Variants in MACROD2 observed in about 807,000 individuals in gnomAD.
MACROD2 encodes the protein mono-ADP ribosylhydrolase 2.
MACROD2 carries 36 observed loss-of-function variants against 70.4 expected under a neutral mutation model. The observed-to-expected ratio is 0.51, with a 90% CI of 0.39 to 0.68. The LOEUF (loss-of-function observed/expected upper bound fraction) is 0.68. Ranked by LOEUF, MACROD2 falls within the 30% of genes least tolerant of loss-of-function variation. The pLI is 0.00. For missense variants in MACROD2, 496 were observed against 538.4 expected (o/e 0.92, Z 0.78); for synonymous variants, 172 against 178.8 (o/e 0.96, Z 0.30).
intron 8 of MACROD2, chr20:15,552,602 T>G (rs1223801098): frequency 1.3e-5 from 2 of 152,284 alleles, no homozygotes; most frequent in Non-Finnish European, 2.9e-5. Context: ...ACAGCTTCCA[T>G]GTCAAAAACC....
intron 3 of MACROD2, among the ~76,000 whole-genome samples, chr20:14,141,256 C>T (rs575079486): frequency 1.6e-4 from 25 of 152,268 alleles, no homozygotes; most frequent in Non-Finnish European, 2.9e-4. Flanking sequence ...CTTCAGTTTC[C>T]TCATCCATAA....
intron 4 of MACROD2, among the ~76,000 whole-genome samples, chr20:14,654,916 G>A (rs1374348886): frequency 6.6e-6 from 1 of 152,052 alleles, no homozygotes; most frequent in East Asian, 1.9e-4. Context: ...AACATCTTAG[G>A]CAAAATGGAA....
chr20:16,045,951 G>A (rs143522583), intron 17 of MACROD2, among the ~76,000 whole-genome samples: 47 of 151,468 alleles, frequency 3.1e-4, no homozygotes, highest in African/African-American at 1.1e-3. Context: ...TATGCTTGAT[G>A]TTATAACTGT....
At chr20:15,824,926 C>T (rs2063980451) in intron 8 of MACROD2, among the ~76,000 whole-genome samples, 1 of 151,990 alleles carries the variant, frequency 6.6e-6, no homozygotes, top group South Asian at 2.1e-4. Flanking sequence ...GAGTTGATGC[C>T]AAATAAGTAT....
At chr20:14,227,730 T>C (rs1401129238) in intron 3 of MACROD2, among the ~76,000 whole-genome samples, 4 of 152,262 alleles carry the variant, frequency 2.6e-5, no homozygotes, top group African/African-American at 7.2e-5. Flanking sequence ...TTTACTTTTT[T>C]TAGGGTCTGC....
intron 3 of MACROD2, among the ~76,000 whole-genome samples, chr20:14,141,245 A>T (rs1486040902): frequency 1.3e-5 from 2 of 152,116 alleles, no homozygotes; most frequent in African/African-American, 4.8e-5. Flanking sequence ...TATCTAAGAC[A>T]CTTCAGTTTC....
intron 9 of MACROD2, among the ~76,000 whole-genome samples, chr20:15,867,072 T>A (rs1379352492): frequency 6.6e-6 from 1 of 152,210 alleles, no homozygotes; most frequent in Non-Finnish European, 1.5e-5. Context: ...GCCTCGCTCC[T>A]TGGCTTGTAG....
At chr20:15,640,857 GAGAC>G (rs1467580560) in intron 8 of MACROD2, among the ~76,000 whole-genome samples, 1 of 152,194 alleles carries the variant, frequency 6.6e-6, no homozygotes, top group East Asian at 1.9e-4. Context: ...GGCTGACAGT[GAGAC>G]AGAGATGGAC....
chr20:15,341,783 G>T (rs2078112548), intron 6 of MACROD2, among the ~76,000 whole-genome samples: 1 of 152,168 alleles, frequency 6.6e-6, no homozygotes, highest in Admixed American at 6.5e-5. Flanking sequence ...ATGCATGGTG[G>T]CTCATGCCTG....
In MACROD2 at chr20:15,626,406, G is replaced by C. The variant is rs571899958; in HGVS notation, c.645+126559G>C. ...TAGACACACAGAAATTTTGTTTGAC[G>C]TGCAAACTCTTGACAAGGTCCTGCC... On this transcript the variant is annotated intron_variant, in intron 8 of 17. Transcript: ENST00000684519. 2.6e-5 allele frequency among the ~76,000 whole-genome samples: 4 copies of C among 152,238 alleles called. No individual in the cohort carries two copies. The East Asian group carries it at 7.7e-4, about 29-fold the overall frequency.
intron 4 of MACROD2, among the ~76,000 whole-genome samples, chr20:14,655,916 A>G (rs989809884): frequency 1.3e-5 from 2 of 152,164 alleles, no homozygotes; most frequent in African/African-American, 2.4e-5. Flanking sequence ...CTGAGATGCC[A>G]TTTGTCACCA....
intron 5 of MACROD2, among the ~76,000 whole-genome samples, chr20:14,745,125 T>C (rs2071783295): frequency 6.6e-6 from 1 of 152,128 alleles, no homozygotes. Flanking sequence ...GGGCTAGAAA[T>C]TGGACTAGGG....
intron 5 of MACROD2, among the ~76,000 whole-genome samples, chr20:14,937,180 A>G (rs1007650445): frequency 1.4e-4 from 22 of 151,876 alleles, no homozygotes; most frequent in Admixed American, 8.5e-4. Flanking sequence ...TCTGACATGG[A>G]AAGGTGGAGG....
chr20:15,063,379 G>A (rs2075548745), intron 5 of MACROD2, among the ~76,000 whole-genome samples: 2 of 152,148 alleles, frequency 1.3e-5, no homozygotes, highest in African/African-American at 4.8e-5. Context: ...CACTCTGTGA[G>A]GGTCATAGAA....
intron 8 of MACROD2, among the ~76,000 whole-genome samples, chr20:15,582,997 G>A (rs78688458): frequency 0.019 from 2,870 of 152,116 alleles, 86 homozygotes; most frequent in African/African-American, 0.062. Flanking sequence ...CAGCTGAGTC[G>A]GGATGTTAAG....
intron 4 of MACROD2, among the ~76,000 whole-genome samples, chr20:14,542,923 C>T (rs1488151495): frequency 6.8e-6 from 1 of 147,498 alleles, no homozygotes; most frequent in African/African-American, 2.5e-5. Flanking sequence ...TACAATTTTA[C>T]ATAATGAATT....
chr20:15,760,743 T>C (rs902541388), intron 8 of MACROD2, among the ~76,000 whole-genome samples: 1 of 152,198 alleles, frequency 6.6e-6, no homozygotes, highest in East Asian at 1.9e-4. Flanking sequence ...GTTTTTCAGC[T>C]CATATTTCCT....
chr20:14,137,612 A>T (rs965511976), intron 3 of MACROD2, among the ~76,000 whole-genome samples: 1 of 152,204 alleles, frequency 6.6e-6, no homozygotes, highest in Non-Finnish European at 1.5e-5. Flanking sequence ...CTTATCCTAC[A>T]TCATATACAA....
At chr20:15,384,804 T>TA (rs1367530271) in intron 6 of MACROD2, among the ~76,000 whole-genome samples, 2 of 152,176 alleles carry the variant, frequency 1.3e-5, no homozygotes, top group Non-Finnish European at 2.9e-5. Flanking sequence ...AACAGTAAAA[T>TA]AAACTTTATA....
Sources: allele counts gnomAD v4.1 joint callset (sites outside exome capture counted in the v4.1 genomes callset), GRCh38; gene constraint gnomAD v4.1.1; transcripts MANE v1.5; gene names NCBI Gene and HGNC (gene_info 2026-07-23, HGNC 2026-07-21).